The following BCL2L13 variants were observed in gnomAD, a reference collection of about 807,000 sequenced individuals.
BCL2L13 encodes the protein BCL2 like 13.
Under a neutral mutation model 25.8 loss-of-function variants are expected in BCL2L13, and 13 were observed. That is an observed-to-expected ratio of 0.50 (90% confidence interval 0.33 to 0.80). BCL2L13 has a LOEUF of 0.80. BCL2L13 is among the 30% of genes least tolerant of loss of function. The pLI is 0.02. For synonymous variants in BCL2L13, 244 were observed against 230.3 expected, an observed-to-expected ratio of 1.06 and a Z score of -0.54; for missense variants, 504 against 574.9, an observed-to-expected ratio of 0.88 and a Z score of 1.26.
chr22:17,670,887 G>C lies in BCL2L13; in HGVS notation c.122-12327G>C, dbSNP rs150996589. ...CCTCCATCAGTCTGTCTCCCAATCTGCAAGATGCTTAGGGGGTATGATAAC... is the reference window on the plus strand; with the variant it reads ...CCTCCATCAGTCTGTCTCCCAATCTCCAAGATGCTTAGGGGGTATGATAAC... On this transcript the variant is annotated intron_variant, in intron 2 of 6. Coordinates refer to ENST00000317582, the MANE Select transcript of BCL2L13 (RefSeq NM_015367.4). Among the ~76,000 whole-genome samples, 42 of 152,246 alleles carry C rather than the reference G, an allele frequency of 2.8e-4. No homozygotes were observed. In the East Asian group the frequency reaches 7.5e-3, roughly 27 times the overall value.
intron 2 of BCL2L13, among the ~76,000 whole-genome samples, chr22:17,663,750 G>A (rs1213368813): frequency 7.9e-5 from 11 of 138,898 alleles, no homozygotes; most frequent in African/African-American, 1.9e-4. Flanking sequence ...GCAGTGGTGC[G>A]ATCTTGGCTC....
chr22:17,629,638 C>G (rs1198134924), intron 1 of BCL2L13, among the ~76,000 whole-genome samples: 1 of 152,076 alleles, frequency 6.6e-6, no homozygotes, highest in East Asian at 1.9e-4. Flanking sequence ...AATAAGAGGT[C>G]AAATGGTACA....
Position 17,670,736 on chromosome 22 carries a change from T to C in BCL2L13, c.122-12478T>C, listed in dbSNP as rs532585296. Among the ~76,000 whole-genome samples, 19 of 152,282 alleles carry C rather than the reference T, an allele frequency of 1.2e-4. No individual in the cohort carries two copies. The East Asian group carries it at 3.1e-3, about 25-fold the overall frequency. ...AGCCATAATATATTATTTCCAGAGA[T>C]GTGTACTGTTTCATTCTTATCTTAG... On this transcript the variant is annotated intron_variant, in intron 2 of 6. Coordinates refer to ENST00000317582, the MANE Select transcript of BCL2L13 (RefSeq NM_015367.4).
intron 2 of BCL2L13, among the ~76,000 whole-genome samples, chr22:17,672,808 T>C (rs1419135944): frequency 6.6e-6 from 1 of 152,224 alleles, no homozygotes; most frequent in African/African-American, 2.4e-5. Context: ...GGGTGAGGCA[T>C]ATGGTAACCA....
At chr22:17,630,586 CTTTTCTT>C (rs1207878045) in intron 1 of BCL2L13, among the ~76,000 whole-genome samples, 1 of 126,254 alleles carries the variant, frequency 7.9e-6, no homozygotes, top group Non-Finnish European at 1.6e-5. Flanking sequence ...CCTTCTTTTT[CTTTTCTT>C]TTTTTTTTTT....
At chr22:17,660,042 G>A (rs2059016674) in intron 2 of BCL2L13, among the ~76,000 whole-genome samples, 1 of 146,024 alleles carries the variant, frequency 6.8e-6, no homozygotes, top group Admixed American at 6.9e-5. Flanking sequence ...TTTTAGTGGA[G>A]ATGGGTTTTC....
chr22:17,709,526 C>T (rs2060686146), intron 6 of BCL2L13, among the ~76,000 whole-genome samples: 1 of 151,998 alleles, frequency 6.6e-6, no homozygotes, highest in Non-Finnish European at 1.5e-5. Flanking sequence ...ACCCAGGAGG[C>T]GGAGGTTGCA....
In BCL2L13 at chr22:17,727,934, T is replaced by G; in HGVS notation, c.*400T>G. 4.6e-6 allele frequency: 1 copy of G among 218,364 alleles called. No individual in the cohort carries two copies. The highest frequency in any genetic ancestry group is 9.3e-6 in the Non-Finnish European group (1 of 107,460). The allele number at this position is 218,364 out of a possible 1,614,324, so 13.5% of individuals were successfully genotyped here. ...AAATGTCTCTAGACATTGCCAAATG[T>G]CCCGTGTGAACATCCCCTATTGAGA... On this transcript the variant is annotated 3_prime_UTR_variant, in exon 7 of 7. Transcript: ENST00000317582.
rs781162429 is a variant in BCL2L13 at position 17,655,698 on chromosome 22, C to G, written c.-14C>G. 1 of 1,608,582 alleles carries G rather than the reference C, an allele frequency of 6.2e-7. No individual in the cohort carries two copies. The highest frequency in any genetic ancestry group is 1.3e-5 in the African/African-American group (1 of 74,602). On this transcript the variant is annotated 5_prime_UTR_variant, in exon 2 of 7. Transcript: ENST00000317582. ...CCATAAGTAGACCTTTTTGGAGCCT[C>G]ACCAGCCAATTCAATGGCGTCCTCT...
chr22:17,636,556 G>A (rs578171145), upstream of BCL2L13, among the ~76,000 whole-genome samples: 3 of 151,760 alleles, frequency 2.0e-5, no homozygotes, highest in African/African-American at 4.8e-5. Flanking sequence ...TTGGGAGGCC[G>A]AGAGGGGTGA....
intron 6 of BCL2L13, among the ~76,000 whole-genome samples, chr22:17,709,578 A>G (rs550973113): frequency 1.3e-5 from 2 of 152,286 alleles, no homozygotes; most frequent in African/African-American, 4.8e-5. Flanking sequence ...CTGGGTGAAC[A>G]GAGAGAGACT....
intron 5 of BCL2L13, among the ~76,000 whole-genome samples, chr22:17,696,825 A>C (rs999342995): frequency 2.0e-5 from 3 of 152,116 alleles, no homozygotes; most frequent in African/African-American, 7.2e-5. Flanking sequence ...TCCACTGTAC[A>C]TGTTGCTTAT....
intron 4 of BCL2L13, among the ~76,000 whole-genome samples, chr22:17,690,394 A>C (rs2060072374): frequency 6.6e-6 from 1 of 152,192 alleles, no homozygotes; most frequent in Non-Finnish European, 1.5e-5. Context: ...GTTAGAAGAA[A>C]GTAATTTGGG....
In BCL2L13 at chr22:17,726,737, A is replaced by G; in HGVS notation, c.661A>G (p.Ser221Gly). ...EEYPGITAED[S>G]NDIYILPSDN... ...ATACCCTGGAATCACTGCAGAAGAT[A>G]GCAATGACATTTACATCCTGCCCAG... Residue 221 changes from serine (S) to glycine (G), a missense_variant, in exon 7 of 7, where the codon AGC becomes GGC. Ser to Gly is a moderately conservative substitution (Grantham distance 56, BLOSUM62 0). Coordinates refer to ENST00000317582, the MANE Select transcript of BCL2L13 (RefSeq NM_015367.4). 6.2e-7 allele frequency: 1 copy of G among 1,614,172 alleles called. No homozygotes were observed. The highest frequency in any genetic ancestry group is 1.3e-5 in the African/African-American group (1 of 75,056).
upstream of BCL2L13, among the ~76,000 whole-genome samples, chr22:17,637,749 C>A (rs1452510088): frequency 4.6e-5 from 7 of 152,132 alleles, no homozygotes; most frequent in East Asian, 1.4e-3. Context: ...ATGGCACCAT[C>A]CTTTCCTCAG....
At chr22:17,698,494 G>T (rs945003720) in intron 5 of BCL2L13, among the ~76,000 whole-genome samples, 1 of 142,908 alleles carries the variant, frequency 7.0e-6, no homozygotes, top group African/African-American at 2.6e-5. Context: ...GCCAAGGCGG[G>T]AGGATCACTT....
At chr22:17,704,637 G>A (rs376488157) in intron 6 of BCL2L13, among the ~76,000 whole-genome samples, 1 of 151,950 alleles carries the variant, frequency 6.6e-6, no homozygotes, top group Non-Finnish European at 1.5e-5. Context: ...TCATCTGGGT[G>A]TGGCTGAAGA....
Position 17,730,236 on chromosome 22 carries a change from G to A in BCL2L13, c.*2702G>A, listed in dbSNP as rs1031150632. On this transcript the variant is annotated 3_prime_UTR_variant, in exon 7 of 7. Coordinates refer to ENST00000317582, the MANE Select transcript of BCL2L13 (RefSeq NM_015367.4). ...AGAAATCAGTCAGTACCTGCGGTGT[G>A]CCTTAAGGGGACTCTCATGATCATC... is the stretch of plus-strand genomic sequence containing the variant. 11 of 152,256 alleles carry A rather than the reference G, an allele frequency of 7.2e-5. No individual in the cohort carries two copies. The highest frequency in any genetic ancestry group is 4.2e-4 in the South Asian group (2 of 4,818). 9.4% of individuals were successfully genotyped at this position (152,256 alleles called of 1,614,324 possible). A position where few individuals can be genotyped will look rare whatever the true frequency, so the allele number is the denominator to read the frequency against.
Position 17,693,333 on chromosome 22 carries a change from G to GTTTATTTA in BCL2L13, c.387-2783_387-2776dup, listed in dbSNP as rs372912650. 3.2e-3 allele frequency among the ~76,000 whole-genome samples: 419 copies of GTTTATTTA among 132,098 alleles called. 4 individuals carry two copies. The highest frequency in any genetic ancestry group is 3.9e-3 in the African/African-American group (132 of 33,680). The allele number at this position is 132,098 out of a possible 152,430, so 86.7% of individuals were successfully genotyped here. On this transcript the variant is annotated intron_variant, in intron 4 of 6. Coordinates refer to ENST00000317582, the MANE Select transcript of BCL2L13 (RefSeq NM_015367.4). ...AGAGCAGAAAAATGCCTTTGGGGTA[G>GTTTATTTA]TTTATTTATTTATTTATTTATTTAT...
Sources: allele counts gnomAD v4.1 joint callset (sites outside exome capture counted in the v4.1 genomes callset), GRCh38; gene constraint gnomAD v4.1.1; transcripts MANE v1.5; gene names NCBI Gene and HGNC (gene_info 2026-07-23, HGNC 2026-07-21).